Variants in RBFOX1 observed in about 807,000 individuals in gnomAD.
RBFOX1 encodes the protein RNA binding fox-1 homolog 1, also known as RNA binding protein fox-1 homolog 1.
Under a neutral mutation model 57.7 loss-of-function variants are expected in RBFOX1, and 8 were observed. The ratio of observed to expected loss-of-function variants is 0.14; its 90% CI spans 0.08 to 0.25. RBFOX1 has a LOEUF of 0.25. RBFOX1 is among the 10% of genes least tolerant of loss of function. The probability of loss-of-function intolerance (pLI) is 1.00; values close to 1 mark genes in which losing one functional copy is unlikely to be tolerated. For synonymous variants in RBFOX1, 326 were observed against 222.4 expected (o/e 1.47, Z -4.15); for missense variants, 611 against 548.5 (o/e 1.11, Z -1.14).
At chr16:6,881,391 A>G (rs1433341761) in intron 3 of RBFOX1, among the ~76,000 whole-genome samples, 7 of 152,198 alleles carry the variant, frequency 4.6e-5, no homozygotes, top group Admixed American at 2.0e-4. Context: ...TCTGCAGACT[A>G]GAAGTCCAGA....
rs549108614 is a variant in RBFOX1, at chr16:6,857,612, G to A, written c.-15-194445G>A. On this transcript the variant is annotated intron_variant, in intron 3 of 15. Transcript: ENST00000550418. ...CGTAGCTCTTTGCCAAGAACATTAT[G>A]TTTTATTTTCAGTGTTAAACTGTGT... is the stretch of plus-strand genomic sequence containing the variant. 7.2e-5 allele frequency among the ~76,000 whole-genome samples: 11 copies of A among 152,152 alleles called. No homozygotes were observed. In the South Asian group the frequency reaches 2.3e-3, roughly 32 times the overall value.
chr16:6,312,766 CCCTGTTTCCCTA>C (rs1432600667), intron 1 of RBFOX1, among the ~76,000 whole-genome samples: 1 of 151,408 alleles, frequency 6.6e-6, no homozygotes, highest in South Asian at 2.1e-4. Context: ...CTCCGTCCCT[CCCTGTTTCCCTA>C]CCTTCCATCT....
At position 7,330,387 on chromosome 16, in the gene RBFOX1, G is replaced by GT. The variant is rs1783466462; in HGVS notation, c.28-187760_28-187759insT. ...TGTATATGTTCAGTGCAGGTGCAGA[G>GT]GTTTTTTTTTTTTTTTTTTTTCTGT... On this transcript the variant is annotated intron_variant, in intron 4 of 15. Transcript: ENST00000550418. Among the ~76,000 whole-genome samples the GT allele has an allele frequency of 4.4e-5, 4 of 90,848 alleles. 1 individual carries two copies. Among genetic ancestry groups the GT allele is most frequent in the East Asian group, 3.7e-4 (1 of 2,696 alleles). The allele number at this position is 90,848 out of a possible 152,430, so 59.6% of individuals were successfully genotyped here.
intron 5 of RBFOX1, chr16:7,519,720 A>G (rs569156532): frequency 2.0e-6 from 2 of 985,186 alleles, no homozygotes; most frequent in Admixed American, 6.1e-5. Flanking sequence ...GTGTAAGGCA[A>G]TTCTGCCTCT....
intron 3 of RBFOX1, among the ~76,000 whole-genome samples, chr16:6,901,041 G>A (rs1007439167): frequency 8.5e-5 from 13 of 152,122 alleles, no homozygotes; most frequent in African/African-American, 2.2e-4. Context: ...TATGTATACC[G>A]GGTGCTGTGT....
chr16:6,975,465 C>G (rs1180236524), intron 3 of RBFOX1, among the ~76,000 whole-genome samples: 1 of 152,052 alleles, frequency 6.6e-6, no homozygotes, highest in Non-Finnish European at 1.5e-5. Context: ...TGGGGTTTCA[C>G]CATCTTGGCC....
At chr16:6,341,622 C>G (rs1056831196) in intron 2 of RBFOX1, among the ~76,000 whole-genome samples, 1 of 152,022 alleles carries the variant, frequency 6.6e-6, no homozygotes, top group African/African-American at 2.4e-5. Context: ...ATCACAAACC[C>G]TGATAGTAAA....
intron 4 of RBFOX1, among the ~76,000 whole-genome samples, chr16:5,871,520 G>A (rs879633600): frequency 1.2e-4 from 18 of 152,122 alleles, no homozygotes; most frequent in Non-Finnish European, 2.1e-4. Flanking sequence ...TCGCAAAAAC[G>A]CATACACATT....
intron 1 of RBFOX1, among the ~76,000 whole-genome samples, chr16:6,047,939 G>A (rs1181872724): frequency 6.6e-6 from 1 of 152,168 alleles, no homozygotes; most frequent in African/African-American, 2.4e-5. Context: ...CTCAGGCAGT[G>A]ACATGTCTGC....
At chr16:6,154,020 G>C (rs1204420517) in intron 1 of RBFOX1, among the ~76,000 whole-genome samples, 1 of 152,236 alleles carries the variant, frequency 6.6e-6, no homozygotes, top group East Asian at 1.9e-4. Context: ...AATAGAGGCT[G>C]TGGGTTCAAA....
chr16:7,569,966 A>G (rs1180231479), intron 5 of RBFOX1, among the ~76,000 whole-genome samples: 4 of 152,144 alleles, frequency 2.6e-5, no homozygotes, highest in African/African-American at 4.8e-5. Flanking sequence ...GGGATCCTTC[A>G]CATGTCATTT....
intron 5 of RBFOX1, among the ~76,000 whole-genome samples, chr16:7,547,296 A>G (rs903281026): frequency 6.6e-6 from 1 of 152,218 alleles, no homozygotes; most frequent in South Asian, 2.1e-4. Flanking sequence ...TTCGATATGA[A>G]GTGTGATGAC....
At chr16:5,304,752 C>G (rs57641087) in intron 1 of RBFOX1, among the ~76,000 whole-genome samples, 1 of 151,810 alleles carries the variant, frequency 6.6e-6, no homozygotes, top group African/African-American at 2.4e-5. Flanking sequence ...GTCATGAGAG[C>G]GATGAAGGAA....
chr16:6,925,124 T>C, intron 3 of RBFOX1, among the ~76,000 whole-genome samples: 1 of 71,162 alleles, frequency 1.4e-5, no homozygotes, highest in Admixed American at 1.5e-4. Flanking sequence ...TTTTTTTTTT[T>C]TTTTTTTTTT....
At chr16:5,560,905 A>G (rs905935936) in intron 2 of RBFOX1, among the ~76,000 whole-genome samples, 3 of 152,194 alleles carry the variant, frequency 2.0e-5, no homozygotes, top group African/African-American at 7.2e-5. Flanking sequence ...TGTGATGTGC[A>G]TTGCAGTATG....
intron 4 of RBFOX1, among the ~76,000 whole-genome samples, chr16:7,464,367 C>T (rs921625813): frequency 3.3e-5 from 5 of 152,014 alleles, no homozygotes; most frequent in Admixed American, 6.6e-5. Context: ...AAAGGAATAT[C>T]GCAGAAGCTG....
intron 3 of RBFOX1, among the ~76,000 whole-genome samples, chr16:6,942,689 C>G (rs1403207440): frequency 1.3e-5 from 2 of 152,102 alleles, no homozygotes; most frequent in South Asian, 2.1e-4. Flanking sequence ...TGGATGTGAA[C>G]TTGACACTGG....
intron 4 of RBFOX1, among the ~76,000 whole-genome samples, chr16:7,355,873 C>T (rs553946304): frequency 1.3e-5 from 2 of 152,356 alleles, no homozygotes; most frequent in East Asian, 3.9e-4. Context: ...CCTCCACCTG[C>T]TCTGCCCAGG....
At chr16:6,462,606 G>A (rs1311291254) in intron 2 of RBFOX1, among the ~76,000 whole-genome samples, 1 of 151,840 alleles carries the variant, frequency 6.6e-6, no homozygotes, top group Non-Finnish European at 1.5e-5. Flanking sequence ...TTTCATTTTG[G>A]TACTTTCTGT....
Sources: gnomAD v4.1 joint callset for allele counts (sites outside exome capture counted in the v4.1 genomes callset) on GRCh38, gnomAD v4.1.1 for gene constraint, MANE v1.5 for transcripts, NCBI Gene and HGNC (gene_info 2026-07-23, HGNC 2026-07-21) for gene names.